Variants in PBX3 observed in about 807,000 individuals in gnomAD.
PBX3 encodes the protein PBX homeobox 3.
A neutral mutation model predicts 48.5 loss-of-function variants in PBX3; 14 were observed. The observed-to-expected ratio is 0.29, with a 90% CI of 0.19 to 0.45. PBX3 has a LOEUF of 0.45. Among genes scored for constraint, PBX3 ranks in the 20% least tolerant of loss-of-function variants. The probability of loss-of-function intolerance (pLI) is 1.00; values close to 1 mark genes in which losing one functional copy is unlikely to be tolerated. For missense variants in PBX3, 386 were observed against 546.7 expected (o/e 0.71, Z 2.93); for synonymous variants, 210 against 200.3 (o/e 1.05, Z -0.41).
At chr9:125,873,658 A>T (rs1017988108) in intron 2 of PBX3, among the ~76,000 whole-genome samples, 1 of 152,214 alleles carries the variant, frequency 6.6e-6, no homozygotes, top group Non-Finnish European at 1.5e-5. Context: ...TGATAAAAGT[A>T]TAGTTTACAC....
intron 2 of PBX3, among the ~76,000 whole-genome samples, chr9:125,831,599 A>C (rs549885784): frequency 6.6e-6 from 1 of 152,234 alleles, no homozygotes; most frequent in South Asian, 2.1e-4. Context: ...TTTCCCTTTA[A>C]TTATCAATTT....
At chr9:125,809,709 TA>T (rs767083388) in intron 2 of PBX3, among the ~76,000 whole-genome samples, 1 of 152,092 alleles carries the variant, frequency 6.6e-6, no homozygotes, top group Non-Finnish European at 1.5e-5. Flanking sequence ...TCAGCTATAT[TA>T]AAATTAAGAA....
At chr9:125,861,668 A>G (rs901651610) in intron 2 of PBX3, among the ~76,000 whole-genome samples, 3 of 152,222 alleles carry the variant, frequency 2.0e-5, no homozygotes, top group Non-Finnish European at 4.4e-5. Flanking sequence ...ACATGCTACA[A>G]CATGTATGAA....
intron 2 of PBX3, among the ~76,000 whole-genome samples, chr9:125,751,253 G>C (rs1836367683): frequency 6.6e-6 from 1 of 152,114 alleles, no homozygotes; most frequent in Non-Finnish European, 1.5e-5. Flanking sequence ...AGGGTGAACT[G>C]TCATTTCAGT....
At chr9:125,829,335 C>T (rs552165891) in intron 2 of PBX3, among the ~76,000 whole-genome samples, 1 of 152,062 alleles carries the variant, frequency 6.6e-6, no homozygotes, top group Admixed American at 6.6e-5. Context: ...TTTTTAAAGT[C>T]AAATGCAACC....
intron 2 of PBX3, among the ~76,000 whole-genome samples, chr9:125,788,854 G>A (rs143921376): frequency 8.5e-4 from 129 of 151,386 alleles, no homozygotes; most frequent in African/African-American, 3.0e-3. Flanking sequence ...CAGCCTGGGC[G>A]ACAGAGCGAG....
intron 5 of PBX3, among the ~76,000 whole-genome samples, chr9:125,944,792 A>G (rs188767951): frequency 6.6e-6 from 1 of 152,284 alleles, no homozygotes; most frequent in East Asian, 1.9e-4. Context: ...TATAAGACTT[A>G]AGGCTACAGA....
rs571374463 is a variant in PBX3 at position 125,818,263 on chromosome 9, A to G, written c.274+69640A>G. ...TAGTATTACCAGAGAGTTCCTGCTC[A>G]TAAGTATAAAAACATTTCTTACTTA... On this transcript the variant is annotated intron_variant, in intron 2 of 8. Transcript: ENST00000373489. Among the ~76,000 whole-genome samples, 115 of 152,170 alleles carry G rather than the reference A, an allele frequency of 7.6e-4. 1 individual carries two copies. Among genetic ancestry groups the G allele is most frequent in the Middle Eastern group, 3.4e-3 (1 of 294 alleles).
chr9:125,823,766 C>T (rs1367288759), intron 2 of PBX3, among the ~76,000 whole-genome samples: 5 of 152,074 alleles, frequency 3.3e-5, no homozygotes, highest in Non-Finnish European at 5.9e-5. Context: ...AGATTTGGAA[C>T]GTGTTTTGAC....
chr9:125,885,097 C>T (rs1335524043), intron 2 of PBX3, among the ~76,000 whole-genome samples: 1 of 152,068 alleles, frequency 6.6e-6, no homozygotes, highest in African/African-American at 2.4e-5. Flanking sequence ...TACAGTCATA[C>T]AGCTATTATA....
chr9:125,852,032 C>G (rs1486109108), intron 2 of PBX3, among the ~76,000 whole-genome samples: 6 of 151,804 alleles, frequency 4.0e-5, no homozygotes, highest in Admixed American at 3.9e-4. Context: ...AAGATGATAA[C>G]CTGTTTAAAA....
Position 125,966,258 on chromosome 9 carries a change from T to C in PBX3, c.*335T>C. 1.1e-5 allele frequency: 2 copies of C among 185,494 alleles called. No individual in the cohort carries two copies. Among genetic ancestry groups the C allele is most frequent in the Non-Finnish European group, 1.1e-5 (1 of 88,260 alleles). 11.5% of individuals were successfully genotyped at this position (185,494 alleles called of 1,614,324 possible). A position where few individuals can be genotyped will look rare whatever the true frequency, so the allele number is the denominator to read the frequency against. On this transcript the variant is annotated 3_prime_UTR_variant, in exon 9 of 9. Coordinates refer to ENST00000373489, the MANE Select transcript of PBX3 (RefSeq NM_006195.6). The stretch of plus-strand genomic sequence containing the variant: ...ATTACTTGGCCTTAAGGGTAAAAAG[T>C]ACAATATACACTAAACCTCAACCGT...
intron 5 of PBX3, among the ~76,000 whole-genome samples, chr9:125,939,057 G>A (rs2132539628): frequency 6.6e-6 from 1 of 151,872 alleles, no homozygotes; most frequent in South Asian, 2.1e-4. Context: ...AAACAAATGG[G>A]GAAAAATAAT....
At chr9:125,915,489 G>A (rs760029731) in intron 2 of PBX3, among the ~76,000 whole-genome samples, 197 bp from the exon 3 acceptor site, 9 of 152,026 alleles carry the variant, frequency 5.9e-5, no homozygotes, top group East Asian at 1.9e-4. Flanking sequence ...ATTCTAGGGT[G>A]CATGTAAACA....
chr9:125,845,152 C>G (rs1839395398), intron 2 of PBX3, among the ~76,000 whole-genome samples: 1 of 152,010 alleles, frequency 6.6e-6, no homozygotes, highest in South Asian at 2.1e-4. Flanking sequence ...GTACCTAAAT[C>G]TTTCGGAAAA....
intron 2 of PBX3, among the ~76,000 whole-genome samples, chr9:125,878,272 G>A (rs1040154459): frequency 6.6e-6 from 1 of 152,182 alleles, no homozygotes; most frequent in Non-Finnish European, 1.5e-5. Context: ...ACAGCTTGGA[G>A]GGGGGTAAGA....
chr9:125,866,612 G>A (rs1839987565), intron 2 of PBX3, among the ~76,000 whole-genome samples: 1 of 152,182 alleles, frequency 6.6e-6, no homozygotes, highest in Non-Finnish European at 1.5e-5. Context: ...AATGAGAAAG[G>A]ACCAGAGGCC....
At chr9:125,883,578 A>G (rs1036775064) in intron 2 of PBX3, among the ~76,000 whole-genome samples, 1 of 151,630 alleles carries the variant, frequency 6.6e-6, no homozygotes, top group African/African-American at 2.4e-5. Flanking sequence ...TTTCCATCCT[A>G]GTTGCGTAGC....
chr9:125,887,368 T>A (rs970418449), intron 2 of PBX3, among the ~76,000 whole-genome samples: 1 of 152,180 alleles, frequency 6.6e-6, no homozygotes, highest in Non-Finnish European at 1.5e-5. Flanking sequence ...TGTGTCATAA[T>A]TGATGGCTAA....
Sources: gnomAD v4.1 joint callset for allele counts (sites outside exome capture counted in the v4.1 genomes callset) on GRCh38, gnomAD v4.1.1 for gene constraint, MANE v1.5 for transcripts, NCBI Gene and HGNC (gene_info 2026-07-23, HGNC 2026-07-21) for gene names.